MDGA2: variants seen among roughly 807,000 people sequenced by gnomAD.
The protein encoded by MDGA2 is MAM domain-containing glycosylphosphatidylinositol anchor protein 2.
A neutral mutation model predicts 117.8 loss-of-function variants in MDGA2; 40 were observed. That is an observed-to-expected ratio of 0.34 (90% CI 0.26 to 0.44). MDGA2 has a LOEUF of 0.44. Among genes scored for constraint, MDGA2 ranks in the 20% least tolerant of loss-of-function variants. MDGA2 has a pLI of 1.00. For synonymous variants in MDGA2, 452 were observed against 439.0 expected (o/e 1.03, Z -0.37); for missense variants, 1,123 against 1,250.6 (o/e 0.90, Z 1.54).
chr14:47,332,461 C>A lies in MDGA2; in HGVS notation c.281-30911G>T, dbSNP rs2139915582. Among the ~76,000 whole-genome samples, 3 of 151,806 alleles carry A rather than the reference C, an allele frequency of 2.0e-5. No homozygotes were observed. In the Middle Eastern group the frequency reaches 0.01, roughly 516 times the overall value. ...TTAATACACAAAACTATAACCCTAT[C>A]AGAAAAAAAAGAATAGCACATGTCT... is the stretch of plus-strand genomic sequence containing the variant. On this transcript the variant is annotated intron_variant, in intron 1 of 16. Coordinates refer to ENST00000399232, the MANE Select transcript of MDGA2 (RefSeq NM_001113498.3).
At chr14:47,077,414 T>C (rs1890535640) in intron 6 of MDGA2, among the ~76,000 whole-genome samples, 1 of 152,154 alleles carries the variant, frequency 6.6e-6, no homozygotes, top group Admixed American at 6.5e-5. Context: ...CTCTCCCTTT[T>C]CATAGCTGTA....
chr14:47,271,361 G>A (rs1161165413), intron 2 of MDGA2, among the ~76,000 whole-genome samples: 2 of 152,174 alleles, frequency 1.3e-5, no homozygotes, highest in African/African-American at 2.4e-5. Flanking sequence ...GAGCAAGTCT[G>A]TTGGCCAACT....
At chr14:46,999,150 C>A (rs780102271) in intron 8 of MDGA2, among the ~76,000 whole-genome samples, 2 of 151,254 alleles carry the variant, frequency 1.3e-5, no homozygotes, top group Non-Finnish European at 2.9e-5. Flanking sequence ...CCTTAAAATA[C>A]GATTTAAGTA....
At chr14:47,241,154 A>T (rs1444688785) in intron 2 of MDGA2, among the ~76,000 whole-genome samples, 1 of 151,888 alleles carries the variant, frequency 6.6e-6, no homozygotes, top group African/African-American at 2.4e-5. Flanking sequence ...TTAAAAGGTT[A>T]CTTTAATACT....
intron 10 of MDGA2, among the ~76,000 whole-genome samples, chr14:46,890,771 C>T (rs1882850474): frequency 6.6e-6 from 1 of 152,044 alleles, no homozygotes; most frequent in Non-Finnish European, 1.5e-5. Context: ...GCATTAAGCA[C>T]AGAGAACAAG....
chr14:47,312,677 GT>G (rs202227321), intron 1 of MDGA2, among the ~76,000 whole-genome samples: 12,907 of 126,734 alleles, frequency 0.1, 778 homozygotes, highest in Non-Finnish European at 0.12. Flanking sequence ...CTAGTTTTTA[GT>G]TTTTTTTTTG....
chr14:47,328,818 T>A (rs1243770937), intron 1 of MDGA2, among the ~76,000 whole-genome samples: 1 of 152,094 alleles, frequency 6.6e-6, no homozygotes, highest in Non-Finnish European at 1.5e-5. Flanking sequence ...GTGGATTCTT[T>A]TTAGGACCTG....
intron 8 of MDGA2, among the ~76,000 whole-genome samples, chr14:47,000,830 G>A (rs146034781): frequency 1.0e-3 from 156 of 151,976 alleles, no homozygotes; most frequent in African/African-American, 3.7e-3. Context: ...TATCAACATA[G>A]AGAAGAAAAT....
chr14:47,203,036 G>T (rs143133241), intron 3 of MDGA2, among the ~76,000 whole-genome samples: 1 of 151,916 alleles, frequency 6.6e-6, no homozygotes, highest in African/African-American at 2.4e-5. Flanking sequence ...TGTGTTTATG[G>T]TCTTAACATA....
At chr14:47,161,927 C>CTTTTT (rs71112489) in intron 3 of MDGA2, among the ~76,000 whole-genome samples, 12 of 52,510 alleles carry the variant, frequency 2.3e-4, no homozygotes, top group Non-Finnish European at 3.5e-4. Context: ...TCCCCAGATC[C>CTTTTT]TTTTTTTTTT....
chr14:47,594,303 A>G (rs937590854), intron 1 of MDGA2, among the ~76,000 whole-genome samples: 2 of 152,164 alleles, frequency 1.3e-5, no homozygotes, highest in African/African-American at 2.4e-5. Context: ...CCTCTATTTT[A>G]ACATATTTTC....
chr14:47,315,478 G>A (rs1889779324), intron 1 of MDGA2, among the ~76,000 whole-genome samples: 1 of 152,088 alleles, frequency 6.6e-6, no homozygotes, highest in Non-Finnish European at 1.5e-5. Flanking sequence ...TAGGCATCAC[G>A]TGGTATAAAT....
chr14:47,137,106 G>C (rs1314889252), intron 4 of MDGA2, among the ~76,000 whole-genome samples: 1 of 152,132 alleles, frequency 6.6e-6, no homozygotes, highest in Non-Finnish European at 1.5e-5. Flanking sequence ...CATGGACACT[G>C]CTGGTATTTA....
intron 3 of MDGA2, among the ~76,000 whole-genome samples, chr14:47,163,423 TG>T (rs1207798972): frequency 1.3e-5 from 2 of 150,802 alleles, no homozygotes; most frequent in Non-Finnish European, 3.0e-5. Flanking sequence ...GTTGTGGGGG[TG>T]GGGGGTCTTT....
chr14:47,672,560 T>C (rs1437271342), intron 1 of MDGA2, among the ~76,000 whole-genome samples: 1 of 152,184 alleles, frequency 6.6e-6, no homozygotes, highest in Non-Finnish European at 1.5e-5. Flanking sequence ...AATGTACCAC[T>C]GTCTCCCCAC....
chr14:47,631,850 C>T lies in MDGA2; in HGVS notation c.280+42667G>A, dbSNP rs570025708. Among the ~76,000 whole-genome samples the T allele has an allele frequency of 1.2e-3, 178 of 152,116 alleles. 1 individual carries two copies. The highest frequency in any genetic ancestry group is 2.0e-3 in the Non-Finnish European group (135 of 67,996). Reference sequence around the variant, plus strand: ...CTTGTCCAACCCACACCCTGCAGGCCGCACGTGGCCCAGGACAGCTTTGAA... The same window carrying T: ...CTTGTCCAACCCACACCCTGCAGGCTGCACGTGGCCCAGGACAGCTTTGAA... On this transcript the variant is annotated intron_variant, in intron 1 of 16. Coordinates refer to ENST00000399232, the MANE Select transcript of MDGA2 (RefSeq NM_001113498.3).
At chr14:47,052,001 C>A (rs183277529) in intron 7 of MDGA2, among the ~76,000 whole-genome samples, 12 of 151,920 alleles carry the variant, frequency 7.9e-5, no homozygotes, top group Admixed American at 6.6e-4. Flanking sequence ...AATGTACATT[C>A]CATTGTTAAC....
At chr14:47,049,829 A>G (rs933195405) in intron 7 of MDGA2, among the ~76,000 whole-genome samples, 4 of 152,014 alleles carry the variant, frequency 2.6e-5, no homozygotes. Flanking sequence ...AATTTGGGAA[A>G]TTCTGATTTC....
chr14:47,561,142 T>TTTG lies in MDGA2; in HGVS notation c.280+113374_280+113375insCAA, dbSNP rs1309793714. ...GGCTAGCATGATACCTCTATCTTTG[T>TTTG]TTTTTTTTTTGTTTTGTTTTGTTTT... On this transcript the variant is annotated intron_variant, in intron 1 of 16. Coordinates refer to ENST00000399232, the MANE Select transcript of MDGA2 (RefSeq NM_001113498.3). Among the ~76,000 whole-genome samples the TTTG allele has an allele frequency of 2.4e-4, 20 of 82,996 alleles. No individual in the cohort carries two copies. In the East Asian group the frequency reaches 6.9e-3, roughly 29 times the overall value. The allele number at this position is 82,996 out of a possible 152,430, so 54.4% of individuals were successfully genotyped here.
Sources: gnomAD v4.1 joint callset for allele counts (sites outside exome capture counted in the v4.1 genomes callset) on GRCh38, gnomAD v4.1.1 for gene constraint, MANE v1.5 for transcripts, NCBI Gene and HGNC (gene_info 2026-07-23, HGNC 2026-07-21) for gene names.